The following NEBL variants were observed in gnomAD, a reference collection of about 807,000 sequenced individuals.
NEBL encodes nebulette.
Under a neutral mutation model 140.2 loss-of-function variants are expected in NEBL, and 122 were observed. That is an observed-to-expected ratio of 0.87 (90% CI 0.75 to 1.01). The LOEUF is 1.01. Among genes scored for constraint, NEBL ranks in the 50% least tolerant of loss-of-function variants. The pLI is 0.00. For missense variants in NEBL, 1,365 were observed against 1,231.3 expected (o/e 1.11, Z -1.62); for synonymous variants, 436 against 398.9 (o/e 1.09, Z -1.11).
intron 14 of NEBL, among the ~76,000 whole-genome samples, chr10:20,833,097 A>G (rs968856386): frequency 2.6e-5 from 4 of 152,230 alleles, no homozygotes; most frequent in Non-Finnish European, 4.4e-5. Context: ...TCTAAAGCAC[A>G]TAGACTACAT....
chr10:21,044,390 G>A (rs1177379822), intron 2 of NEBL, among the ~76,000 whole-genome samples: 2 of 25,140 alleles, frequency 8.0e-5, no homozygotes, highest in African/African-American at 9.8e-5. Context: ...GGGTGACAGA[G>A]TAAGAATAAA....
intron 4 of NEBL, among the ~76,000 whole-genome samples, chr10:20,936,368 G>C (rs1282271405): frequency 6.6e-6 from 1 of 152,188 alleles, no homozygotes; most frequent in Non-Finnish European, 1.5e-5. Context: ...GGTCTAGTCT[G>C]TCTCTCAAAT....
chr10:20,853,189 G>A (rs2131079976), intron 9 of NEBL, among the ~76,000 whole-genome samples: 1 of 152,274 alleles, frequency 6.6e-6, no homozygotes, highest in African/African-American at 2.4e-5. Context: ...GTTCCTAAAA[G>A]GAAAGGGTAA....
Position 20,850,427 on chromosome 10 carries a change from C to A in NEBL, c.1084G>T (p.Ala362Ser), listed in dbSNP as rs1209782779. The A allele has an allele frequency of 6.2e-7, 1 of 1,611,360 alleles. No homozygotes were observed. Residue 362 changes from alanine to serine, a missense_variant, in exon 11 of 28, where the codon GCT (alanine) becomes TCT (serine). Around this residue, in one of 2 missense-constraint regions of NEBL, gnomAD observed 1,323 missense variants for 1,154.8 expected, o/e 1.15. Transcript: ENST00000377122. ...TGCATCTTTTGAGCCTCCTTTGAAG[C>A]TTGATATGATGGTGTCTCAACAAAT... ...LEFVETPSYQASKEAQKMQSE... is the reference protein window; with the variant it reads ...LEFVETPSYQSSKEAQKMQSE...
intron 2 of NEBL, among the ~76,000 whole-genome samples, chr10:21,028,442 G>A (rs376696947): frequency 7.8e-4 from 119 of 152,176 alleles, no homozygotes; most frequent in African/African-American, 2.7e-3. Context: ...CAAATAAAAT[G>A]TAAATGTGCA....
intron 3 of NEBL, among the ~76,000 whole-genome samples, chr10:21,207,488 C>A (rs1841846042): frequency 6.6e-6 from 1 of 152,034 alleles, no homozygotes; most frequent in South Asian, 2.1e-4. Context: ...TAACAAAACC[C>A]AGATTTGGTT....
intron 4 of NEBL, among the ~76,000 whole-genome samples, chr10:20,903,055 A>G (rs7907121): frequency 0.56 from 84,936 of 152,034 alleles, 25,056 homozygotes; most frequent in Non-Finnish European, 0.65. Context: ...AATGCAAATT[A>G]TAGTAGCCCC....
chr10:20,786,073 T>C (rs1382916058), intron 27 of NEBL, 150 bp from the exon 28 acceptor site: 2 of 781,564 alleles, frequency 2.6e-6, no homozygotes, highest in Admixed American at 4.8e-5. Context: ...TAGCATCTCA[T>C]TGTGCTGATC....
intron 3 of NEBL, among the ~76,000 whole-genome samples, chr10:21,198,610 G>C (rs1156793033): frequency 6.6e-6 from 1 of 152,142 alleles, no homozygotes; most frequent in Non-Finnish European, 1.5e-5. Context: ...GAAATCCCTT[G>C]GCCATTCTTA....
intron 2 of NEBL, chr10:21,029,371 C>T: frequency 1.9e-6 from 3 of 1,611,442 alleles, no homozygotes; most frequent in Non-Finnish European, 8.5e-7. Flanking sequence ...CAGTGCAGTG[C>T]GTTTACCACG....
intron 3 of NEBL, among the ~76,000 whole-genome samples, chr10:20,978,518 A>G (rs2131656716): frequency 6.6e-6 from 1 of 152,226 alleles, no homozygotes; most frequent in African/African-American, 2.4e-5. Context: ...GTGCTTTCAG[A>G]GGCCAAGGTG....
intron 2 of NEBL, among the ~76,000 whole-genome samples, chr10:21,113,974 T>C (rs573168248): frequency 6.6e-6 from 1 of 152,194 alleles, no homozygotes; most frequent in Admixed American, 6.6e-5. Context: ...TGCTCTTCTT[T>C]TTCTAGTTTC....
intron 4 of NEBL, chr10:20,961,552 G>A (rs532101067): frequency 5.0e-4 from 395 of 788,004 alleles, no homozygotes; most frequent in Non-Finnish European, 7.4e-4. Context: ...TAGTCTATGC[G>A]TGCACTGAGT....
intron 2 of NEBL, among the ~76,000 whole-genome samples, chr10:21,108,943 A>T (rs1039061425): frequency 2.6e-4 from 39 of 152,154 alleles, no homozygotes; most frequent in African/African-American, 9.4e-4. Context: ...GTCATCTGCA[A>T]ACAGAGACAA....
chr10:21,137,411 A>G (rs531382121), intron 2 of NEBL, among the ~76,000 whole-genome samples: 2 of 152,218 alleles, frequency 1.3e-5, no homozygotes, highest in Non-Finnish European at 2.9e-5. Context: ...GTGTTCATTT[A>G]TAACTCTGAA....
intron 3 of NEBL, among the ~76,000 whole-genome samples, chr10:21,188,826 G>A (rs925392096): frequency 3.9e-5 from 6 of 151,994 alleles, no homozygotes; most frequent in Admixed American, 3.3e-4. Flanking sequence ...CTGAGCTCAG[G>A]TGATCCACCA....
chr10:20,987,110 T>C (rs1275850009), intron 3 of NEBL, among the ~76,000 whole-genome samples: 8 of 152,226 alleles, frequency 5.3e-5, no homozygotes, highest in African/African-American at 1.7e-4. Flanking sequence ...TTCTAAGCTA[T>C]TATACCATGT....
At chr10:21,227,431 G>T (rs186515937) in intron 3 of NEBL, among the ~76,000 whole-genome samples, 112 of 152,288 alleles carry the variant, frequency 7.4e-4, no homozygotes, top group African/African-American at 2.6e-3. Flanking sequence ...TAATTTAAAG[G>T]AGGTGAACAA....
At chr10:21,112,866 C>A in intron 2 of NEBL, 1 of 301,486 alleles carries the variant, frequency 3.3e-6, no homozygotes. Flanking sequence ...TGTACATATT[C>A]ATAGACAGTA....
Sources: allele counts gnomAD v4.1 joint callset (sites outside exome capture counted in the v4.1 genomes callset), GRCh38; gene constraint gnomAD v4.1.1; regional missense constraint gnomAD v4.1.1; transcripts MANE v1.5; gene names NCBI Gene and HGNC (gene_info 2026-07-23, HGNC 2026-07-21).